The following FYB2 variants were observed in gnomAD, a reference collection of about 807,000 sequenced individuals.
The protein encoded by FYB2 is FYN binding protein 2.
In FYB2, 103 loss-of-function variants were observed where a neutral mutation model predicts 94.1. The ratio of observed to expected loss-of-function variants is 1.09; its 90% CI spans 0.93 to 1.29. The LOEUF (loss-of-function observed/expected upper bound fraction) is 1.29. Among genes scored for constraint, FYB2 ranks in the 50% most tolerant of loss-of-function variants. The pLI is 0.00. For synonymous variants in FYB2, 293 were observed against 287.9 expected, an observed-to-expected ratio of 1.02 and a Z score of -0.18; for missense variants, 896 against 841.5, an observed-to-expected ratio of 1.06 and a Z score of -0.80.
chr1:56,737,433 G>C (rs974581312), intron 14 of FYB2: 8 of 250,270 alleles, frequency 3.2e-5, no homozygotes, highest in Admixed American at 5.8e-5. Context: ...AGAAAAATAT[G>C]AGTTGCTCAA....
At chr1:56,817,470 A>G (rs1395822907) in intron 1 of FYB2, among the ~76,000 whole-genome samples, 1 of 152,084 alleles carries the variant, frequency 6.6e-6, no homozygotes, top group Non-Finnish European at 1.5e-5. Context: ...TGCTTTGTGT[A>G]TCTACATTGC....
chr1:56,806,595 C>T (rs1646652702), intron 1 of FYB2, among the ~76,000 whole-genome samples: 1 of 152,142 alleles, frequency 6.6e-6, no homozygotes, highest in African/African-American at 2.4e-5. Context: ...ACTGGGAGAT[C>T]ATGAATATCA....
At chr1:56,763,606 C>T (rs1645552238) in intron 5 of FYB2, among the ~76,000 whole-genome samples, 3 of 152,102 alleles carry the variant, frequency 2.0e-5, no homozygotes, top group Admixed American at 2.0e-4. Context: ...ATCCCTGCTT[C>T]AGTCTTAATA....
At chr1:56,721,113 T>A (rs895103163) in intron 17 of FYB2, among the ~76,000 whole-genome samples, 2 of 152,050 alleles carry the variant, frequency 1.3e-5, no homozygotes, top group African/African-American at 4.8e-5. Flanking sequence ...GGCATTTTGT[T>A]AGAAACTCCT....
At chr1:56,780,323 T>C (rs1300606604) in intron 4 of FYB2, among the ~76,000 whole-genome samples, 1 of 152,132 alleles carries the variant, frequency 6.6e-6, no homozygotes, top group Non-Finnish European at 1.5e-5. Context: ...CTCACACAGA[T>C]CCCTCTGCAC....
chr1:56,782,344 C>T (rs575491070), intron 4 of FYB2, among the ~76,000 whole-genome samples: 21 of 152,134 alleles, frequency 1.4e-4, no homozygotes, highest in East Asian at 1.4e-3. Context: ...GTACTTATTA[C>T]GATGAAAATA....
intron 4 of FYB2, among the ~76,000 whole-genome samples, chr1:56,779,735 A>G (rs1774821): frequency 1 from 152,204 of 152,304 alleles, 76,052 homozygotes; most frequent in Middle Eastern, 1. Flanking sequence ...CCCACTGTTT[A>G]CTAGGTCTTG....
intron 4 of FYB2, among the ~76,000 whole-genome samples, chr1:56,771,804 G>T (rs1446888074): frequency 2.0e-5 from 3 of 152,112 alleles, no homozygotes; most frequent in East Asian, 1.9e-4. Flanking sequence ...TCACATAGTT[G>T]TTAGACAGTG....
intron 4 of FYB2, among the ~76,000 whole-genome samples, chr1:56,785,157 C>T (rs1646104228): frequency 6.6e-6 from 1 of 152,194 alleles, no homozygotes; most frequent in South Asian, 2.1e-4. Flanking sequence ...AATGGGCCAT[C>T]ACAGCAAGTT....
At chr1:56,805,307 GAGA>G (rs1215203140) in intron 1 of FYB2, among the ~76,000 whole-genome samples, 4 of 152,320 alleles carry the variant, frequency 2.6e-5, no homozygotes, top group East Asian at 1.9e-4. Flanking sequence ...GAATTAAACT[GAGA>G]AGATTAGAAA....
rs572661982 is a variant in FYB2, at chr1:56,764,325, C to T, written c.1063+3504G>A. ...CTCCAAGTACTTCTTCAGTCATGCA[C>T]GCCTTCTCTTCTCTTTCCAGAAGTC... On this transcript the variant is annotated intron_variant, in intron 5 of 19. Coordinates refer to ENST00000343433, the MANE Select transcript of FYB2 (RefSeq NM_001004303.5). Among the ~76,000 whole-genome samples, 101 of 152,194 alleles carry T rather than the reference C, an allele frequency of 6.6e-4. 1 individual carries two copies. The highest frequency in any genetic ancestry group is 3.4e-3 in the Middle Eastern group (1 of 294).
intron 15 of FYB2, among the ~76,000 whole-genome samples, chr1:56,732,804 C>A (rs965357708): frequency 2.0e-5 from 3 of 151,264 alleles, no homozygotes; most frequent in Non-Finnish European, 4.4e-5. Context: ...GACCCCCCCA[C>A]CCACCACTTA....
intron 5 of FYB2, among the ~76,000 whole-genome samples, chr1:56,765,873 G>A (rs1645609847): frequency 6.6e-6 from 1 of 152,132 alleles, no homozygotes; most frequent in Non-Finnish European, 1.5e-5. Context: ...GTACTTAGCA[G>A]GAGCAATAGG....
At chr1:56,726,077 A>G (rs545301154) in intron 16 of FYB2, among the ~76,000 whole-genome samples, 2 of 152,194 alleles carry the variant, frequency 1.3e-5, no homozygotes, top group African/African-American at 4.8e-5. Context: ...CATAACTAGA[A>G]TTATATTTTA....
chr1:56,791,201 A>G (rs1376805610), intron 2 of FYB2, among the ~76,000 whole-genome samples: 1 of 152,054 alleles, frequency 6.6e-6, no homozygotes, highest in African/African-American at 2.4e-5. Flanking sequence ...GGACTTATTC[A>G]ATCTGGCGTT....
At chr1:56,734,836 G>T (rs1345073481) in intron 15 of FYB2, among the ~76,000 whole-genome samples, 1 of 151,718 alleles carries the variant, frequency 6.6e-6, no homozygotes, top group Non-Finnish European at 1.5e-5. Context: ...AAAATAAAAT[G>T]ACCAATAAAC....
At position 56,777,744 on chromosome 1, in the gene FYB2, G is replaced by A. The variant is rs80193045; in HGVS notation, c.953+9431C>T. Among the ~76,000 whole-genome samples, 552 of 151,906 alleles carry A rather than the reference G, an allele frequency of 3.6e-3. 5 individuals carry two copies. Among genetic ancestry groups the A allele is most frequent in the African/African-American group, 0.011 (468 of 41,402 alleles). ...ACATGAGGCTGTTTCCTGCCTCTTC[G>A]CTTCTGTCCACGTTTCATCTGCTTA... On this transcript the variant is annotated intron_variant, in intron 4 of 19. Transcript: ENST00000343433.
upstream of FYB2, among the ~76,000 whole-genome samples, chr1:56,821,138 C>T (rs1041056546): frequency 1.3e-5 from 2 of 152,198 alleles, no homozygotes; most frequent in East Asian, 1.9e-4. Flanking sequence ...AGGAAGCTCT[C>T]GGGAGAACTT....
At chr1:56,765,476 A>C (rs1389465725) in intron 5 of FYB2, among the ~76,000 whole-genome samples, 1 of 152,212 alleles carries the variant, frequency 6.6e-6, no homozygotes, top group Non-Finnish European at 1.5e-5. Context: ...GCATCATTGC[A>C]GCCTGCTGAG....
Sources: gnomAD v4.1 joint callset for allele counts (sites outside exome capture counted in the v4.1 genomes callset) on GRCh38, gnomAD v4.1.1 for gene constraint, MANE v1.5 for transcripts, NCBI Gene and HGNC (gene_info 2026-07-23, HGNC 2026-07-21) for gene names.